The following ERC1 variants were observed in gnomAD, a reference collection of about 807,000 sequenced individuals.
ERC1 encodes RAB6 interacting protein 2.
ERC1 carries 56 observed loss-of-function variants against 132.0 expected under a neutral mutation model. That is an observed-to-expected ratio of 0.42 (90% CI 0.34 to 0.53). ERC1 has a LOEUF of 0.53. Ranked by LOEUF, ERC1 falls within the 20% of genes least tolerant of loss-of-function variation. The probability of loss-of-function intolerance (pLI) is 0.03; values close to 1 mark genes in which losing one functional copy is unlikely to be tolerated. For missense variants in ERC1, 1,202 were observed against 1,349.9 expected (o/e 0.89, Z 1.72); for synonymous variants, 478 against 476.1 (o/e 1.00, Z -0.05).
intron 2 of ERC1, among the ~76,000 whole-genome samples, chr12:1,039,522 T>A (rs1156713826): frequency 2.0e-5 from 3 of 148,382 alleles, no homozygotes; most frequent in African/African-American, 7.4e-5. Flanking sequence ...AGAGCAAGAG[T>A]CTGTCAAAAA....
chr12:1,384,765 T>C (rs1406812610), intron 16 of ERC1, among the ~76,000 whole-genome samples: 2 of 152,200 alleles, frequency 1.3e-5, no homozygotes, highest in East Asian at 3.8e-4. Flanking sequence ...TTTGTGGTAG[T>C]TGGTTTTCAG....
intron 7 of ERC1, among the ~76,000 whole-genome samples, chr12:1,121,483 C>T (rs187122787): frequency 1.3e-5 from 2 of 152,308 alleles, no homozygotes; most frequent in East Asian, 1.9e-4. Context: ...GATGGAATTA[C>T]ATAGCCTCAG....
intron 17 of ERC1, among the ~76,000 whole-genome samples, chr12:1,418,758 ACTGGAGTGTAGTGG>A (rs1452518437): frequency 6.3e-5 from 9 of 141,898 alleles, no homozygotes; most frequent in Non-Finnish European, 1.4e-4. Flanking sequence ...TGTCGCTCAG[ACTGGAGTGTAGTGG>A]CATGATCATA....
chr12:1,142,262 C>T (rs1211306799), intron 8 of ERC1, among the ~76,000 whole-genome samples: 2 of 152,154 alleles, frequency 1.3e-5, no homozygotes, highest in Middle Eastern at 3.4e-3. Context: ...TCTTACTGTT[C>T]CTTAGTGCTT....
At chr12:1,368,039 T>C (rs1385447213) in intron 15 of ERC1, among the ~76,000 whole-genome samples, 1 of 151,666 alleles carries the variant, frequency 6.6e-6, no homozygotes, top group Non-Finnish European at 1.5e-5. Context: ...GCAGTTCTTA[T>C]TTTGCCCTGG....
chr12:1,177,851 G>A (rs1183000386), intron 8 of ERC1, among the ~76,000 whole-genome samples: 4 of 152,152 alleles, frequency 2.6e-5, no homozygotes, highest in Admixed American at 6.6e-5. Context: ...AAAGCAAAGC[G>A]TAAGAAATCC....
chr12:1,336,277 T>G (rs2083304805), intron 15 of ERC1, among the ~76,000 whole-genome samples: 1 of 152,170 alleles, frequency 6.6e-6, no homozygotes, highest in Non-Finnish European at 1.5e-5. Context: ...TTTTTATTTC[T>G]TGTCTTCTGC....
At chr12:1,472,641 C>A (rs1256817173) in intron 18 of ERC1, among the ~76,000 whole-genome samples, 2 of 141,224 alleles carry the variant, frequency 1.4e-5, no homozygotes, top group Middle Eastern at 3.4e-3. Context: ...CAGAGTGTAA[C>A]CCTGTCTCAA....
intron 13 of ERC1, among the ~76,000 whole-genome samples, chr12:1,255,390 G>A (rs1049916587): frequency 2.6e-5 from 4 of 152,088 alleles, no homozygotes; most frequent in African/African-American, 4.8e-5. Flanking sequence ...ATTGTGAACC[G>A]TGCCACAATA....
In ERC1 at chr12:1,110,260, G is replaced by A. The variant is rs376808405; in HGVS notation, c.1230G>A (p.Ser410=). 26 of 1,613,560 alleles carry A rather than the reference G, an allele frequency of 1.6e-5. No homozygotes were observed. Among genetic ancestry groups the A allele is most frequent in the African/African-American group, 1.5e-4 (11 of 75,010 alleles). The change falls in exon 5 of 19, where the codon TCG becomes TCA. Residue 410 remains serine (S), a synonymous_variant. Coordinates refer to ENST00000360905, the MANE Select transcript of ERC1 (RefSeq NM_178040.4). ...DLEEEIQMLK[S]NGALSTEERE... is the part of the protein sequence containing the mutation. The stretch of plus-strand genomic sequence containing the variant: ...AAGAGGAAATTCAGATGCTGAAATC[G>A]AATGGTGCTTTGAGTACTGAGGAAA...
intron 12 of ERC1, among the ~76,000 whole-genome samples, chr12:1,199,534 G>A (rs2154282501): frequency 1.3e-5 from 2 of 152,268 alleles, no homozygotes; most frequent in South Asian, 4.1e-4. Flanking sequence ...ACTTTGGGAG[G>A]CTGAGGCGGG....
In ERC1 at chr12:1,236,505, C is replaced by T. The variant is rs142688358; in HGVS notation, c.2352-264C>T. 1.3e-4 allele frequency among the ~76,000 whole-genome samples: 20 copies of T among 152,192 alleles called. No individual in the cohort carries two copies. The East Asian group carries it at 3.5e-3, about 26-fold the overall frequency. On this transcript the variant is annotated intron_variant, in intron 12 of 18. Transcript: ENST00000360905. ...TCTTTTTAGTCATTTCAAATGATCC[C>T]GTGCCTTTCTTTTGTTTTATGATTT...
At chr12:1,204,629 C>A in intron 12 of ERC1, 1 of 956,490 alleles carries the variant, frequency 1.0e-6, no homozygotes, top group Admixed American at 2.2e-5. Flanking sequence ...AGAAATCTAG[C>A]TGTGAGGATA....
At chr12:1,357,644 A>G (rs982782878) in intron 15 of ERC1, among the ~76,000 whole-genome samples, 12 of 152,250 alleles carry the variant, frequency 7.9e-5, no homozygotes, top group Admixed American at 2.6e-4. Flanking sequence ...CTACATCTTC[A>G]TATGGGAAGA....
At chr12:1,039,196 G>C (rs1969693009) in intron 2 of ERC1, among the ~76,000 whole-genome samples, 1 of 151,934 alleles carries the variant, frequency 6.6e-6, no homozygotes, top group African/African-American at 2.4e-5. Context: ...AATTAGCTGG[G>C]CGTGGTGGTG....
At chr12:1,413,938 C>T (rs2091978692) in intron 17 of ERC1, among the ~76,000 whole-genome samples, 1 of 152,300 alleles carries the variant, frequency 6.6e-6, no homozygotes, top group East Asian at 1.9e-4. Context: ...ACAACGGGGG[C>T]TTGGGGAAGA....
intron 1 of ERC1, among the ~76,000 whole-genome samples, chr12:1,007,520 C>G (rs939645503): frequency 1.5e-5 from 1 of 66,354 alleles, no homozygotes; most frequent in African/African-American, 7.0e-5. Context: ...GGGTAATTCT[C>G]TCTCTCTCTC....
chr12:1,438,086 G>A (rs1020726552), intron 17 of ERC1, among the ~76,000 whole-genome samples: 2 of 152,096 alleles, frequency 1.3e-5, no homozygotes, highest in African/African-American at 2.4e-5. Flanking sequence ...AGTGGTAACT[G>A]AATTATATGA....
chr12:1,395,277 C>G (rs1427710247), intron 16 of ERC1, among the ~76,000 whole-genome samples: 1 of 152,156 alleles, frequency 6.6e-6, no homozygotes, highest in Admixed American at 6.5e-5. Flanking sequence ...AAGTTCATGA[C>G]CAACTTTTAG....
Sources: allele counts gnomAD v4.1 joint callset (sites outside exome capture counted in the v4.1 genomes callset), GRCh38; gene constraint gnomAD v4.1.1; transcripts MANE v1.5; gene names NCBI Gene and HGNC (gene_info 2026-07-23, HGNC 2026-07-21).